The following ADARB1 variants were observed in gnomAD, a reference collection of about 807,000 sequenced individuals.
ADARB1 encodes the protein adenosine deaminase RNA specific B1, also known as double-stranded RNA-specific editase 1.
A neutral mutation model predicts 52.4 loss-of-function variants in ADARB1; 10 were observed. The ratio of observed to expected loss-of-function variants is 0.19; its 90% CI spans 0.12 to 0.32. ADARB1 has a LOEUF of 0.32. Ranked by LOEUF, ADARB1 falls within the 10% of genes least tolerant of loss-of-function variation. The pLI is 1.00. For synonymous variants in ADARB1, 349 were observed against 371.1 expected, an observed-to-expected ratio of 0.94 and a Z score of 0.68; for missense variants, 643 against 922.3, an observed-to-expected ratio of 0.70 and a Z score of 3.92.
chr21:45,126,442 G>A (rs8129934), intron 1 of ADARB1, among the ~76,000 whole-genome samples: 10,193 of 152,188 alleles, frequency 0.067, 404 homozygotes, highest in East Asian at 0.15. Flanking sequence ...AAAAGACTCC[G>A]GTGTTTTTGA....
At chr21:45,190,477 G>C (rs2092251650) in intron 8 of ADARB1, among the ~76,000 whole-genome samples, 1 of 151,908 alleles carries the variant, frequency 6.6e-6, no homozygotes, top group African/African-American at 2.4e-5. Context: ...TTTACTTTTG[G>C]TCCTTTGGTT....
At chr21:45,129,943 C>A (rs927814987) in intron 2 of ADARB1, among the ~76,000 whole-genome samples, 10 of 152,154 alleles carry the variant, frequency 6.6e-5, no homozygotes, top group Admixed American at 1.3e-4. Flanking sequence ...TTATCTTCAA[C>A]CGATGCTTTT....
At chr21:45,119,748 A>C (rs1324366114) in intron 1 of ADARB1, among the ~76,000 whole-genome samples, 1 of 152,216 alleles carries the variant, frequency 6.6e-6, no homozygotes, top group South Asian at 2.1e-4. Flanking sequence ...AAAGACGGAG[A>C]TGACTTAGGG....
At chr21:45,125,413 C>A (rs1569036303) in intron 1 of ADARB1, among the ~76,000 whole-genome samples, 1 of 152,258 alleles carries the variant, frequency 6.6e-6, no homozygotes, top group Non-Finnish European at 1.5e-5. Flanking sequence ...CCGCCTGGGG[C>A]TGACTAGACA....
intron 2 of ADARB1, chr21:45,133,714 GTGTATGCTCGACAGT>G: frequency 3.5e-6 from 1 of 287,914 alleles, no homozygotes. Flanking sequence ...CGACCGATGG[GTGTATGCTCGACAGT>G]GGTGTGTGCG....
intron 2 of ADARB1, among the ~76,000 whole-genome samples, chr21:45,136,146 C>A (rs1477590069): frequency 5.3e-5 from 8 of 152,234 alleles, no homozygotes; most frequent in Middle Eastern, 3.4e-3. Flanking sequence ...CCCTCCCCTT[C>A]TTGGTGGCCA....
chr21:45,080,061 T>G (rs554063123), intron 1 of ADARB1, among the ~76,000 whole-genome samples: 33 of 152,154 alleles, frequency 2.2e-4, no homozygotes, highest in Non-Finnish European at 1.8e-4. Flanking sequence ...TTCTTATTCT[T>G]CGTGGGCTGG....
chr21:45,215,447 T>C (rs2092844694), intron 9 of ADARB1, among the ~76,000 whole-genome samples: 1 of 152,200 alleles, frequency 6.6e-6, no homozygotes, highest in Non-Finnish European at 1.5e-5. Context: ...TGCTGGATTT[T>C]GTCTGATGCT....
rs150890269 is a variant in ADARB1 at position 45,152,928 on chromosome 21, G to C, written c.-47-18682G>C. Among the ~76,000 whole-genome samples the C allele has an allele frequency of 3.5e-3, 531 of 152,328 alleles. 2 individuals carry two copies. Among genetic ancestry groups the C allele is most frequent in the African/African-American group, 0.012 (497 of 41,578 alleles). The stretch of plus-strand genomic sequence containing the variant: ...AAAAACATGTCTGTAAACATGAATA[G>C]AAATCATTTAGCTTCAGAGTCTGGA... On this transcript the variant is annotated intron_variant, in intron 2 of 10. Coordinates refer to ENST00000348831, the MANE Select transcript of ADARB1 (RefSeq NM_001112.4).
rs1309152412 is a variant in ADARB1 at position 45,185,044 on chromosome 21, G to T, written c.1518G>T (p.Leu506=). Residue 506 remains leucine, a synonymous_variant, in exon 8 of 11, where the codon CTG becomes CTT. Coordinates refer to ENST00000348831, the MANE Select transcript of ADARB1 (RefSeq NM_001112.4). The stretch of plus-strand genomic sequence containing the variant: ...GCATCCAAACGTGGGACGGGGTGCT[G>T]CAAGGGGAGCGGCTGCTCACCATGT... ...NASIQTWDGV[L]QGERLLTMSC... is the part of the protein sequence containing the mutation. The T allele has an allele frequency of 6.2e-7, 1 of 1,614,228 alleles. No homozygotes were observed. The highest frequency in any genetic ancestry group is 1.3e-5 in the African/African-American group (1 of 75,072).
At chr21:45,211,103 G>A (rs1044296443) in intron 9 of ADARB1, among the ~76,000 whole-genome samples, 1 of 152,230 alleles carries the variant, frequency 6.6e-6, no homozygotes, top group East Asian at 1.9e-4. Flanking sequence ...TTCCGAGCTG[G>A]CAGAGAAAGC....
At chr21:45,194,599 C>T (rs1601892481) in intron 8 of ADARB1, among the ~76,000 whole-genome samples, 2 of 151,936 alleles carry the variant, frequency 1.3e-5, no homozygotes, top group African/African-American at 4.8e-5. Flanking sequence ...CCCCTCTCAC[C>T]TCCTAACCTC....
rs2093022698 is a variant in ADARB1 at position 45,224,501 on chromosome 21, C to CTGGGTTCGGGG, written c.*2304_*2305insTGGGTTCGGGG. The CTGGGTTCGGGG allele has an allele frequency of 9.9e-6, 3 of 302,122 alleles. No homozygotes were observed. Among genetic ancestry groups the CTGGGTTCGGGG allele is most frequent in the Non-Finnish European group, 1.1e-5 (3 of 275,140 alleles). 18.7% of individuals were successfully genotyped at this position (302,122 alleles called of 1,614,324 possible). A position where few individuals can be genotyped will look rare whatever the true frequency, so the allele number is the denominator to read the frequency against. ...TGGGTTCTGGGAGCCCTGGGTGGGG[C>CTGGGTTCGGGG]AGCTGTGGGGAGGAACTGGGTTCGG... On this transcript the variant is annotated 3_prime_UTR_variant, in exon 11 of 11. Transcript: ENST00000348831.
intron 9 of ADARB1, among the ~76,000 whole-genome samples, chr21:45,212,326 T>G (rs1440870502): frequency 6.6e-6 from 1 of 152,134 alleles, no homozygotes; most frequent in East Asian, 1.9e-4. Flanking sequence ...TTGAACATGC[T>G]CCTGGGGCTG....
intron 1 of ADARB1, among the ~76,000 whole-genome samples, chr21:45,125,522 C>T (rs1275154604): frequency 6.6e-6 from 1 of 152,264 alleles, no homozygotes; most frequent in African/African-American, 2.4e-5. Context: ...CTGGCTTCCT[C>T]TTCAGGTGCT....
chr21:45,147,025 A>G (rs2145925027), intron 2 of ADARB1, among the ~76,000 whole-genome samples: 1 of 152,320 alleles, frequency 6.6e-6, no homozygotes, highest in Admixed American at 6.5e-5. Flanking sequence ...GGGCCTGGCC[A>G]GCCCCTCCTC....
chr21:45,151,477 A>G (rs1312069578), intron 2 of ADARB1, among the ~76,000 whole-genome samples: 3 of 152,220 alleles, frequency 2.0e-5, no homozygotes, highest in African/African-American at 4.8e-5. Flanking sequence ...GGCAAGAGAA[A>G]GAATCTGACT....
At chr21:45,140,293 T>C (rs1488953610) in intron 2 of ADARB1, among the ~76,000 whole-genome samples, 2 of 152,208 alleles carry the variant, frequency 1.3e-5, no homozygotes, top group Non-Finnish European at 2.9e-5. Flanking sequence ...TAGAGAATAT[T>C]CTTACCCCAA....
At chr21:45,211,872 C>T (rs1257319755) in intron 9 of ADARB1, among the ~76,000 whole-genome samples, 1 of 152,154 alleles carries the variant, frequency 6.6e-6, no homozygotes, top group Non-Finnish European at 1.5e-5. Context: ...ACTGCACTGG[C>T]CTCAGGGACT....
Sources: allele counts gnomAD v4.1 joint callset (sites outside exome capture counted in the v4.1 genomes callset), GRCh38; gene constraint gnomAD v4.1.1; transcripts MANE v1.5; gene names NCBI Gene and HGNC (gene_info 2026-07-23, HGNC 2026-07-21).